ADAMTS6: variants seen among roughly 807,000 people sequenced by gnomAD.
ADAMTS6 encodes ADAM metallopeptidase with thrombospondin type 1 motif 6, also known as A disintegrin and metalloproteinase with thrombospondin motifs 6.
A neutral mutation model predicts 144.3 loss-of-function variants in ADAMTS6; 23 were observed. That is an observed-to-expected ratio of 0.16 (90% CI 0.11 to 0.23). The LOEUF (loss-of-function observed/expected upper bound fraction) is 0.23. Ranked by LOEUF, ADAMTS6 falls within the 10% of genes least tolerant of loss-of-function variation. The probability of loss-of-function intolerance (pLI) is 1.00; values close to 1 mark genes in which losing one functional copy is unlikely to be tolerated. For synonymous variants in ADAMTS6, 444 were observed against 457.5 expected (o/e 0.97, Z 0.38); for missense variants, 999 against 1,379.6 (o/e 0.72, Z 4.37).
intron 7 of ADAMTS6, among the ~76,000 whole-genome samples, chr5:65,449,557 G>A (rs1758574270): frequency 6.6e-6 from 1 of 152,028 alleles, no homozygotes; most frequent in African/African-American, 2.4e-5. Context: ...GGAGGTGGAG[G>A]TTGCAGTGAG....
chr5:65,288,717 T>C (rs1440256469), intron 11 of ADAMTS6, among the ~76,000 whole-genome samples: 6 of 152,206 alleles, frequency 3.9e-5, no homozygotes, highest in Non-Finnish European at 8.8e-5. Flanking sequence ...GTATCTCCTC[T>C]CAAAAATTCT....
intron 7 of ADAMTS6, among the ~76,000 whole-genome samples, chr5:65,366,438 A>T (rs1287828836): frequency 6.6e-6 from 1 of 152,224 alleles, no homozygotes; most frequent in Non-Finnish European, 1.5e-5. Context: ...ATGATATTTG[A>T]ATCCAACCAA....
chr5:65,177,861 C>T (rs753381872), intron 22 of ADAMTS6, among the ~76,000 whole-genome samples: 2 of 152,144 alleles, frequency 1.3e-5, no homozygotes, highest in Admixed American at 6.5e-5. Flanking sequence ...GTCGACCAGG[C>T]GTGGGCTGCA....
At chr5:65,220,679 G>A (rs1309288490) in intron 18 of ADAMTS6, among the ~76,000 whole-genome samples, 3 of 152,014 alleles carry the variant, frequency 2.0e-5, no homozygotes, top group African/African-American at 4.8e-5. Context: ...CCTGGGAGGC[G>A]GTGCTTGCAG....
In ADAMTS6 at chr5:65,242,087, G is replaced by C; in HGVS notation, c.1933+17C>G. The C allele has an allele frequency of 6.6e-7, 1 of 1,522,096 alleles. No homozygotes were observed. The allele number at this position is 1,522,096 out of a possible 1,614,324, so 94.3% of individuals were successfully genotyped here. A position where few individuals can be genotyped will look rare whatever the true frequency, so the allele number is the denominator to read the frequency against. On this transcript the variant is annotated intron_variant, in intron 15 of 24. Coordinates refer to ENST00000381055, the MANE Select transcript of ADAMTS6 (RefSeq NM_197941.4). ...CAAAGTGCTCAAGCATGAATGCTCT[G>C]TCAGGTTATACATTACCTCCAGTAT...
chr5:65,335,969 C>G (rs1037187522), intron 7 of ADAMTS6, among the ~76,000 whole-genome samples: 6 of 151,582 alleles, frequency 4.0e-5, no homozygotes, highest in African/African-American at 1.5e-4. Flanking sequence ...AAAAGCATTC[C>G]AAGAAAAGAA....
At chr5:65,249,392 G>A (rs1308099911) in intron 14 of ADAMTS6, among the ~76,000 whole-genome samples, 2 of 152,174 alleles carry the variant, frequency 1.3e-5, no homozygotes, top group African/African-American at 4.8e-5. Flanking sequence ...CACCTCCCAA[G>A]GGCAGGAGTG....
chr5:65,217,069 T>C (rs1410398900), intron 18 of ADAMTS6, among the ~76,000 whole-genome samples: 2 of 152,104 alleles, frequency 1.3e-5, no homozygotes, highest in African/African-American at 2.4e-5. Flanking sequence ...CGACCCCCAT[T>C]TGCCTGGCAA....
chr5:65,372,493 A>T lies in ADAMTS6; in HGVS notation c.1074-38408T>A, dbSNP rs559921627. Among the ~76,000 whole-genome samples, 176 of 151,916 alleles carry T rather than the reference A, an allele frequency of 1.2e-3. 1 individual carries two copies. The highest frequency in any genetic ancestry group is 4.0e-3 in the African/African-American group (166 of 41,354). ...TAAAACAGACTTTAAACCAACAAAG[A>T]TCAAAAGAGACAAAGAAGGCCATTA... On this transcript the variant is annotated intron_variant, in intron 7 of 24. Coordinates refer to ENST00000381055, the MANE Select transcript of ADAMTS6 (RefSeq NM_197941.4).
At chr5:65,398,841 A>C (rs554306494) in intron 7 of ADAMTS6, among the ~76,000 whole-genome samples, 12 of 132,048 alleles carry the variant, frequency 9.1e-5, no homozygotes, top group Admixed American at 6.8e-4. Context: ...AGAAAGAAAG[A>C]AAGAAAGAAA....
intron 22 of ADAMTS6, among the ~76,000 whole-genome samples, chr5:65,178,503 CT>C (rs1398980374): frequency 6.6e-6 from 1 of 152,194 alleles, no homozygotes; most frequent in Non-Finnish European, 1.5e-5. Context: ...AGCCCTGGGG[CT>C]ACCTGAACTG....
intron 7 of ADAMTS6, among the ~76,000 whole-genome samples, chr5:65,381,557 T>C (rs111993362): frequency 0.074 from 9,216 of 124,468 alleles, 244 homozygotes; most frequent in Non-Finnish European, 0.11. Flanking sequence ...TTTTTTTTTT[T>C]GTAATTTTAG....
intron 7 of ADAMTS6, among the ~76,000 whole-genome samples, chr5:65,431,913 A>G (rs958718486): frequency 6.6e-6 from 1 of 152,088 alleles, no homozygotes; most frequent in Non-Finnish European, 1.5e-5. Context: ...TATATACTTA[A>G]CTATAGATGG....
intron 14 of ADAMTS6, among the ~76,000 whole-genome samples, chr5:65,252,419 T>C (rs1184880650): frequency 6.6e-6 from 1 of 151,910 alleles, no homozygotes; most frequent in Non-Finnish European, 1.5e-5. Flanking sequence ...TTTTTTGTAT[T>C]TTTAGTAGAG....
At chr5:65,405,556 G>A (rs1017773527) in intron 7 of ADAMTS6, among the ~76,000 whole-genome samples, 1 of 152,166 alleles carries the variant, frequency 6.6e-6, no homozygotes, top group Non-Finnish European at 1.5e-5. Context: ...TAGCCTTGTA[G>A]TATAGTTTGA....
intron 9 of ADAMTS6, among the ~76,000 whole-genome samples, chr5:65,323,415 G>T (rs1745830419): frequency 6.6e-6 from 1 of 151,500 alleles, no homozygotes; most frequent in Non-Finnish European, 1.5e-5. Flanking sequence ...ATGGTTTCCA[G>T]CTTCATCCAT....
At chr5:65,425,827 G>A (rs1308949505) in intron 7 of ADAMTS6, among the ~76,000 whole-genome samples, 2 of 151,116 alleles carry the variant, frequency 1.3e-5, no homozygotes, top group Non-Finnish European at 2.9e-5. Context: ...GCAGTGGCGC[G>A]ATGTCGGCTC....
Position 65,481,514 on chromosome 5 carries a change from C to T in ADAMTS6, c.-451G>A, listed in dbSNP as rs949071789. On this transcript the variant is annotated 5_prime_UTR_variant, in exon 1 of 25. Coordinates refer to ENST00000381055, the MANE Select transcript of ADAMTS6 (RefSeq NM_197941.4). ...CAGTTATTCTGCAGCCAGAATAAAA[C>T]CCTATGGTCTGGCTAACCCGGGCTT... The T allele has an allele frequency of 2.0e-5, 3 of 151,162 alleles. No homozygotes were observed. The highest frequency in any genetic ancestry group is 2.9e-5 in the Non-Finnish European group (2 of 67,890). 9.4% of individuals were successfully genotyped at this position (151,162 alleles called of 1,614,324 possible). A position where few individuals can be genotyped will look rare whatever the true frequency, so the allele number is the denominator to read the frequency against.
intron 18 of ADAMTS6, among the ~76,000 whole-genome samples, chr5:65,222,443 T>C (rs1757391485): frequency 6.6e-6 from 1 of 152,192 alleles, no homozygotes; most frequent in Non-Finnish European, 1.5e-5. Context: ...CTTTATACCT[T>C]ATATAAAAAT....
Sources: gnomAD v4.1 joint callset for allele counts (sites outside exome capture counted in the v4.1 genomes callset) on GRCh38, gnomAD v4.1.1 for gene constraint, MANE v1.5 for transcripts, NCBI Gene and HGNC (gene_info 2026-07-23, HGNC 2026-07-21) for gene names.